Variants in CFAP95 observed in about 807,000 individuals in gnomAD.
The protein encoded by CFAP95 is cilia and flagella associated protein 95.
chr9:69,904,766 T>C, the CFAP95 span, among the ~76,000 whole-genome samples: 2 of 152,182 alleles, frequency 1.3e-5, no homozygotes, highest in Non-Finnish European at 2.9e-5. Context: ...CAACCAACCA[T>C]AACACCTGAA....
chr9:69,841,919 A>T, the CFAP95 span, among the ~76,000 whole-genome samples: 2 of 152,178 alleles, frequency 1.3e-5, no homozygotes, highest in Admixed American at 6.5e-5. Flanking sequence ...GACACATGGG[A>T]ATTATGGGTG....
At chr9:69,850,259 G>T in the CFAP95 span, among the ~76,000 whole-genome samples, 1 of 152,202 alleles carries the variant, frequency 6.6e-6, no homozygotes. Context: ...TTATTAAACA[G>T]ATTTTTCTTA....
At chr9:69,873,909 C>A in the CFAP95 span, among the ~76,000 whole-genome samples, 16 of 152,310 alleles carry the variant, frequency 1.1e-4, no homozygotes, top group Admixed American at 2.6e-4. Flanking sequence ...CGTTTTAACT[C>A]ATACCATGAA....
chr9:69,901,358 C>T, the CFAP95 span, among the ~76,000 whole-genome samples: 2 of 152,054 alleles, frequency 1.3e-5, no homozygotes, highest in Admixed American at 1.3e-4. Flanking sequence ...AGGATGGTCT[C>T]GATCTCCTGA....
the CFAP95 span, among the ~76,000 whole-genome samples, chr9:69,887,429 GA>G: frequency 7.9e-5 from 12 of 152,210 alleles, no homozygotes; most frequent in Admixed American, 7.9e-4. Flanking sequence ...GTAAAGAAGA[GA>G]AAAACATCTT....
chr9:69,879,075 C>A, the CFAP95 span, among the ~76,000 whole-genome samples: 1 of 152,150 alleles, frequency 6.6e-6, no homozygotes, highest in Non-Finnish European at 1.5e-5. Flanking sequence ...TCCCCCCAGG[C>A]CTCACCTCCA....
chr9:69,843,415 A>T, the CFAP95 span, among the ~76,000 whole-genome samples: 1 of 102,468 alleles, frequency 9.8e-6, no homozygotes, highest in African/African-American at 3.8e-5. Context: ...TTCCTTCTCT[A>T]CCCCCAAATC....
chr9:69,858,058 A>G, the CFAP95 span: 1 of 1,352,472 alleles, frequency 7.4e-7, no homozygotes. Context: ...AAGGTATGAC[A>G]GGGTGAGCCA....
the CFAP95 span, among the ~76,000 whole-genome samples, chr9:69,902,731 A>G: frequency 6.6e-6 from 1 of 151,808 alleles, no homozygotes; most frequent in Non-Finnish European, 1.5e-5. Flanking sequence ...TTTGAAAAGC[A>G]TACTCTCTCT....
the CFAP95 span, among the ~76,000 whole-genome samples, chr9:69,872,905 G>A: frequency 4.6e-5 from 7 of 152,168 alleles, no homozygotes; most frequent in African/African-American, 1.7e-4. Context: ...CATAGGTTTC[G>A]GGTAGTTTAA....
At chr9:69,881,067 C>A in the CFAP95 span, among the ~76,000 whole-genome samples, 1 of 151,728 alleles carries the variant, frequency 6.6e-6, no homozygotes, top group African/African-American at 2.4e-5. Context: ...GTAACTAATC[C>A]CTTGTCAGAT....
chr9:69,822,717 CAGA>C, the CFAP95 span, among the ~76,000 whole-genome samples: 24 of 152,328 alleles, frequency 1.6e-4, no homozygotes, highest in African/African-American at 5.5e-4. Flanking sequence ...AGCAAAACCA[CAGA>C]AGAACACAAA....
chr9:69,871,804 A>G, the CFAP95 span, among the ~76,000 whole-genome samples: 2 of 152,142 alleles, frequency 1.3e-5, no homozygotes, highest in African/African-American at 4.8e-5. Flanking sequence ...AAACATAGGT[A>G]TCCTAGCTGG....
At chr9:69,829,361 T>C in the CFAP95 span, among the ~76,000 whole-genome samples, 3 of 152,242 alleles carry the variant, frequency 2.0e-5, no homozygotes, top group African/African-American at 7.2e-5. Flanking sequence ...CTGATCGTTA[T>C]AGAATGATTG....
At chr9:69,844,518 C>T in the CFAP95 span, 7 of 1,588,040 alleles carry the variant, frequency 4.4e-6, no homozygotes, top group Non-Finnish European at 5.1e-6. Context: ...TTTCTTAAGG[C>T]ACCGTGACAG....
At chr9:69,901,522 A>C in the CFAP95 span, among the ~76,000 whole-genome samples, 1 of 147,450 alleles carries the variant, frequency 6.8e-6, no homozygotes, top group Admixed American at 6.7e-5. Context: ...ACATGAACTC[A>C]TCCTTTTTAT....
At chr9:69,845,155 G>A in the CFAP95 span, among the ~76,000 whole-genome samples, 1 of 152,144 alleles carries the variant, frequency 6.6e-6, no homozygotes, top group Admixed American at 6.5e-5. Flanking sequence ...TATTAACAGT[G>A]TCATAATGTT....
chr9:69,847,628 T>A, the CFAP95 span, among the ~76,000 whole-genome samples: 1 of 152,208 alleles, frequency 6.6e-6, no homozygotes, highest in Non-Finnish European at 1.5e-5. Flanking sequence ...ATTTCTTACA[T>A]CTTAGCCATA....
chr9:69,842,602 A>G, the CFAP95 span, among the ~76,000 whole-genome samples: 1 of 152,198 alleles, frequency 6.6e-6, no homozygotes, highest in Non-Finnish European at 1.5e-5. Context: ...TTAAGATCTT[A>G]AAAGGTATTG....
Sources: gnomAD v4.1 joint callset for allele counts (sites outside exome capture counted in the v4.1 genomes callset) on GRCh38, gnomAD v4.1.1 for gene constraint, MANE v1.5 for transcripts, NCBI Gene and HGNC (gene_info 2026-07-23, HGNC 2026-07-21) for gene names.